Variants in PRRC2C observed in about 807,000 individuals in gnomAD.
The protein encoded by PRRC2C is proline rich coiled-coil 2C.
Under a neutral mutation model 317.2 loss-of-function variants are expected in PRRC2C, and 72 were observed. The observed-to-expected ratio is 0.23, with a 90% CI of 0.19 to 0.28. PRRC2C has a LOEUF of 0.28. Ranked by LOEUF, PRRC2C falls within the 10% of genes least tolerant of loss-of-function variation. The pLI is 1.00. For missense variants in PRRC2C, 3,074 were observed against 3,459.7 expected (o/e 0.89, Z 2.80); for synonymous variants, 1,296 against 1,205.9 (o/e 1.07, Z -1.55).
intron 1 of PRRC2C, among the ~76,000 whole-genome samples, chr1:171,486,091 C>G (rs535338955): frequency 1.1e-4 from 16 of 146,130 alleles, no homozygotes; most frequent in African/African-American, 4.1e-4. Context: ...TCTTCCTGGA[C>G]TGGCGGACGT....
intron 1 of PRRC2C, among the ~76,000 whole-genome samples, chr1:171,487,325 C>T (rs1337535789): frequency 6.6e-6 from 1 of 152,170 alleles, no homozygotes. Context: ...TCCATACTGT[C>T]TGAACCCAAA....
At chr1:171,491,238 A>G (rs1667091105) in intron 1 of PRRC2C, among the ~76,000 whole-genome samples, 1 of 152,200 alleles carries the variant, frequency 6.6e-6, no homozygotes, top group African/African-American at 2.4e-5. Context: ...GGGTATCTAG[A>G]TAAGTTAATA....
At position 171,540,245 on chromosome 1, in the gene PRRC2C, G is replaced by A. The variant is rs1557951396; in HGVS notation, c.2779G>A (p.Val927Ile). 1 of 1,613,872 alleles carries A rather than the reference G, an allele frequency of 6.2e-7. No homozygotes were observed. Among genetic ancestry groups the A allele is most frequent in the Non-Finnish European group, 8.5e-7 (1 of 1,179,890 alleles). Residue 927 changes from valine (V) to isoleucine (I), a missense_variant, in exon 16 of 35, where the codon GTT (valine) becomes ATT (isoleucine). This residue lies in a region of PRRC2C where 1,320 missense variants were observed against 1,395.7 expected (regional missense o/e 0.95). Transcript: ENST00000647382. ...VESQPSRKRS[V>I]SHGSNHTQKP... Reference sequence around the variant, plus strand: ...AAGTCAGCCTTCCCGGAAAAGAAGTGTTTCCCATGGATCTAACCATACGCA... The same window carrying A: ...AAGTCAGCCTTCCCGGAAAAGAAGTATTTCCCATGGATCTAACCATACGCA...
At chr1:171,526,763 A>T (rs1474304550) in intron 10 of PRRC2C, among the ~76,000 whole-genome samples, 1 of 150,646 alleles carries the variant, frequency 6.6e-6, no homozygotes, top group African/African-American at 2.4e-5. Context: ...GATGTTTAGC[A>T]ATCTTATGGT....
At position 171,559,505 on chromosome 1, in the gene PRRC2C, GTTTGTT is replaced by G. The variant is rs1553236544; in HGVS notation, c.6031+1366_6031+1371del. 7.8e-3 allele frequency among the ~76,000 whole-genome samples: 746 copies of G among 95,114 alleles called. 162 individuals are homozygous for G. The highest frequency in any genetic ancestry group is 0.021 in the Middle Eastern group (3 of 142). 62.4% of individuals were successfully genotyped at this position (95,114 alleles called of 152,430 possible). A position where few individuals can be genotyped will look rare whatever the true frequency, so the allele number is the denominator to read the frequency against. On this transcript the variant is annotated intron_variant, in intron 19 of 34. Transcript: ENST00000647382. Reference sequence around the variant, plus strand: ...ATCTGTTTACAAAATGGCATACCAAGTTTGTTTTTTTTTTTTTTTTTTTTTTTTTTT... The same window carrying G: ...ATCTGTTTACAAAATGGCATACCAAGTTTTTTTTTTTTTTTTTTTTTTTTT...
intron 33 of PRRC2C, among the ~76,000 whole-genome samples, 192 bp downstream of exon 33, chr1:171,588,697 T>C (rs1650624726): frequency 6.6e-6 from 1 of 152,218 alleles, no homozygotes; most frequent in Non-Finnish European, 1.5e-5. Context: ...AATTGTTTAG[T>C]TCTAAAGCAG....
rs532000998 is a variant in PRRC2C at position 171,542,432 on chromosome 1, C to T, written c.4763+203C>T. On this transcript the variant is annotated intron_variant, in intron 16 of 34. Coordinates refer to ENST00000647382, the MANE Select transcript of PRRC2C (RefSeq NM_001387844.1). Reference sequence around the variant, plus strand: ...GTGTCTTAGGAGTCTTTGCCTGCTACGTTACATTTTCCAGAAGAGTTCTCT... The same window carrying T: ...GTGTCTTAGGAGTCTTTGCCTGCTATGTTACATTTTCCAGAAGAGTTCTCT... 6.6e-5 allele frequency among the ~76,000 whole-genome samples: 10 copies of T among 152,300 alleles called. No individual in the cohort carries two copies. The South Asian group carries it at 1.0e-3, about 16-fold the overall frequency.
intron 1 of PRRC2C, among the ~76,000 whole-genome samples, chr1:171,495,041 T>C (rs533833988): frequency 6.6e-6 from 1 of 152,364 alleles, no homozygotes; most frequent in South Asian, 2.1e-4. Flanking sequence ...TACTCACTTA[T>C]GGATAAACTG....
intron 18 of PRRC2C, 51 bp from the exon 19 acceptor site, chr1:171,557,189 G>T: frequency 6.7e-7 from 1 of 1,489,760 alleles, no homozygotes; most frequent in Non-Finnish European, 8.9e-7. Context: ...TTTATGAACT[G>T]TTGCATTCAG....
At chr1:171,582,663 ATC>A (rs1367173316) in intron 28 of PRRC2C, among the ~76,000 whole-genome samples, 1 of 152,144 alleles carries the variant, frequency 6.6e-6, no homozygotes, top group Non-Finnish European at 1.5e-5. Flanking sequence ...AATCTAAACA[ATC>A]TAAACAGAAA....
chr1:171,510,628 C>A (rs1009956774), intron 1 of PRRC2C: 1 of 152,112 alleles, frequency 6.6e-6, no homozygotes, highest in Admixed American at 6.6e-5. Context: ...TGTATACATT[C>A]TTCTACATAT....
At chr1:171,581,503 G>A (rs962582665) in intron 28 of PRRC2C, among the ~76,000 whole-genome samples, 7 of 152,170 alleles carry the variant, frequency 4.6e-5, no homozygotes, top group African/African-American at 7.2e-5. Flanking sequence ...AAGACCAGAC[G>A]TGGTCAATAG....
chr1:171,558,458 A>ACT (rs1451202662), intron 19 of PRRC2C, among the ~76,000 whole-genome samples: 3 of 50,178 alleles, frequency 6.0e-5, no homozygotes, highest in Admixed American at 3.1e-4. Flanking sequence ...GTTCATGGTA[A>ACT]CTGTCAAGCA....
intron 22 of PRRC2C, among the ~76,000 whole-genome samples, chr1:171,567,927 C>G (rs1572054275): frequency 6.6e-6 from 1 of 152,196 alleles, no homozygotes; most frequent in Admixed American, 6.5e-5. Context: ...TGGCTCATGC[C>G]AGTAATCTCA....
chr1:171,549,822 A>G (rs996536114), intron 17 of PRRC2C, among the ~76,000 whole-genome samples: 4 of 152,152 alleles, frequency 2.6e-5, no homozygotes, highest in Non-Finnish European at 4.4e-5. Context: ...TCGGCCTCCA[A>G]AAGTGCTGGG....
rs1651693026 is a variant in PRRC2C at position 171,592,901 on chromosome 1, TTATAGA to T, written c.*1060_*1065del. The T allele has an allele frequency of 6.6e-6, 1 of 152,272 alleles. No homozygotes were observed. Among genetic ancestry groups the T allele is most frequent in the East Asian group, 1.9e-4 (1 of 5,184 alleles). The allele number at this position is 152,272 out of a possible 1,614,324, so 9.4% of individuals were successfully genotyped here. A position where few individuals can be genotyped will look rare whatever the true frequency, so the allele number is the denominator to read the frequency against. On this transcript the variant is annotated 3_prime_UTR_variant, in exon 35 of 35. Coordinates refer to ENST00000647382, the MANE Select transcript of PRRC2C (RefSeq NM_001387844.1). ...GCCTTTTTAATTGTATCCTCTAGTA[TTATAGA>T]TATAGGACAGTACTGTATCATACCT...
chr1:171,567,948 G>A (rs1224590247), intron 22 of PRRC2C, among the ~76,000 whole-genome samples: 1 of 152,152 alleles, frequency 6.6e-6, no homozygotes, highest in Non-Finnish European at 1.5e-5. Flanking sequence ...GCACTTTGGT[G>A]GGCTGAGGCA....
chr1:171,540,568 G>A lies in PRRC2C; in HGVS notation c.3102G>A (p.Lys1034=). The A allele has an allele frequency of 6.2e-7, 1 of 1,613,886 alleles. No individual in the cohort carries two copies. Among genetic ancestry groups the A allele is most frequent in the Non-Finnish European group, 8.5e-7 (1 of 1,179,898 alleles). The change falls in exon 16 of 35, where the codon AAG becomes AAA. Residue 1034 remains lysine (K), a synonymous_variant. Coordinates refer to ENST00000647382, the MANE Select transcript of PRRC2C (RefSeq NM_001387844.1). ...RDMKEEREQR[K]EKEGEKAEKV... ...TGAAAGAGGAACGGGAACAGAGGAA[G>A]GAGAAAGAAGGAGAAAAGGCCGAAA... is the stretch of plus-strand genomic sequence containing the variant.
chr1:171,575,838 A>G (rs1012487762), intron 25 of PRRC2C, among the ~76,000 whole-genome samples: 1 of 152,224 alleles, frequency 6.6e-6, no homozygotes, highest in Non-Finnish European at 1.5e-5. Context: ...TTTAATTTCA[A>G]GCTTTCTCAG....
Sources: allele counts gnomAD v4.1 joint callset (sites outside exome capture counted in the v4.1 genomes callset), GRCh38; gene constraint gnomAD v4.1.1; regional missense constraint gnomAD v4.1.1; transcripts MANE v1.5; gene names NCBI Gene and HGNC (gene_info 2026-07-23, HGNC 2026-07-21).